Variants in MMS19 observed in about 807,000 individuals in gnomAD.
The protein encoded by MMS19 is MMS19 nucleotide excision repair protein homolog.
A neutral mutation model predicts 129.8 loss-of-function variants in MMS19; 77 were observed. The ratio of observed to expected loss-of-function variants is 0.59; its 90% CI spans 0.49 to 0.72. The LOEUF is 0.72. MMS19 is among the 30% of genes least tolerant of loss of function. MMS19 has a pLI of 0.00. For missense variants in MMS19, 1,168 were observed against 1,266.3 expected (o/e 0.92, Z 1.18); for synonymous variants, 491 against 502.8 (o/e 0.98, Z 0.31).
In MMS19 at chr10:97,468,350, G is replaced by A; in HGVS notation, c.1120C>T (p.Leu374=). The A allele has an allele frequency of 6.2e-7, 1 of 1,613,084 alleles. No individual in the cohort carries two copies. Among genetic ancestry groups the A allele is most frequent in the African/African-American group, 1.3e-5 (1 of 75,026 alleles). ...GATGCACCTGCAGCTGCCTGCAACAGCTTGGCACTAGGCCACACCAGTTTC... is the reference window on the plus strand; with the variant it reads ...GATGCACCTGCAGCTGCCTGCAACAACTTGGCACTAGGCCACACCAGTTTC... ...DMKLVWPSAK[L]LQAAAGASAR... is the part of the protein sequence containing the mutation. The change falls in exon 13 of 31, where the codon CTG becomes TTG. Residue 374 remains leucine, a synonymous_variant. Transcript: ENST00000438925.
chr10:97,470,597 TGAAGA>T (rs2034483158), intron 9 of MMS19, among the ~76,000 whole-genome samples, 173 bp downstream of exon 9: 1 of 152,176 alleles, frequency 6.6e-6, no homozygotes, highest in South Asian at 2.1e-4. Flanking sequence ...CTCTGGATTA[TGAAGA>T]GATGGTAAAG....
chr10:97,476,643 C>T (rs1440879547), intron 8 of MMS19, 40 bp downstream of exon 8: 2 of 1,601,460 alleles, frequency 1.2e-6, no homozygotes, highest in East Asian at 2.2e-5. Context: ...ATAGCAGACA[C>T]TCAATAAATA....
intron 25 of MMS19, 22 bp downstream of exon 25, chr10:97,460,663 CCTGGGTTCTT>C: frequency 6.4e-7 from 1 of 1,555,842 alleles, no homozygotes; most frequent in Non-Finnish European, 8.7e-7. Context: ...TTGTTTAGGT[CCTGGGTTCTT>C]CTGTCTCCAG....
intron 1 of MMS19, among the ~76,000 whole-genome samples, chr10:97,489,712 T>TC (rs2038553863): frequency 6.6e-6 from 1 of 152,248 alleles, no homozygotes; most frequent in Admixed American, 6.5e-5. Context: ...TGTGAAAGTT[T>TC]CTTAGTCTTT....
intron 18 of MMS19, 109 bp downstream of exon 18, chr10:97,465,694 TAA>T: frequency 2.7e-6 from 3 of 1,131,468 alleles, no homozygotes; most frequent in Non-Finnish European, 3.8e-6. Flanking sequence ...TTTTTTCTTT[TAA>T]AAGAGTTGAT....
chr10:97,467,725 A>G, intron 13 of MMS19, 142 bp from the exon 14 acceptor site: 1 of 710,576 alleles, frequency 1.4e-6, no homozygotes, highest in Non-Finnish European at 2.3e-6. Flanking sequence ...ATACAGTAGC[A>G]TGATTATAGC....
rs758889852 is a variant in MMS19, at chr10:97,469,015, C to T, written c.1014G>A (p.Arg338=). 19 of 1,588,106 alleles carry T rather than the reference C, an allele frequency of 1.2e-5. No homozygotes were observed. The South Asian group carries it at 1.9e-4, about 16-fold the overall frequency. The change falls in exon 12 of 31, where the codon AGG becomes AGA. Residue 338 remains arginine, a synonymous_variant. Coordinates refer to ENST00000438925, the MANE Select transcript of MMS19 (RefSeq NM_022362.5). ...AGTCAAGGAGGTCCTCAGCATCAGCCCTCAGCACAGAGCGAGACAAACACG... is the reference window on the plus strand; with the variant it reads ...AGTCAAGGAGGTCCTCAGCATCAGCTCTCAGCACAGAGCGAGACAAACACG... ...LTACLSRSVL[R]ADAEDLLDSF...
At chr10:97,465,073 G>T (rs1246900232) in intron 18 of MMS19, among the ~76,000 whole-genome samples, 1 of 151,758 alleles carries the variant, frequency 6.6e-6, no homozygotes, top group Non-Finnish European at 1.5e-5. Context: ...GCAATGGCAT[G>T]ATCTTGGCTC....
upstream of MMS19, chr10:97,498,475 G>C: frequency 6.6e-7 from 1 of 1,514,064 alleles, no homozygotes; most frequent in Non-Finnish European, 8.8e-7. Flanking sequence ...CTCCGGGGAA[G>C]CGCAAGGGGG....
intron 1 of MMS19, among the ~76,000 whole-genome samples, chr10:97,489,506 T>C (rs1270747403): frequency 6.6e-6 from 1 of 152,244 alleles, no homozygotes; most frequent in African/African-American, 2.4e-5. Flanking sequence ...ACGTCTTACA[T>C]GGCACACATC....
intron 1 of MMS19, among the ~76,000 whole-genome samples, chr10:97,487,318 CTTT>C (rs201462938): frequency 2.2e-5 from 3 of 137,668 alleles, no homozygotes; most frequent in African/African-American, 5.5e-5. Context: ...GAGAAAATTT[CTTT>C]TTTTTTTTTT....
intron 6 of MMS19, 77 bp from the exon 7 acceptor site, chr10:97,477,040 C>T: frequency 6.3e-7 from 1 of 1,590,256 alleles, no homozygotes; most frequent in Non-Finnish European, 8.5e-7. Context: ...CTGTGTTCTC[C>T]CTCTGCTATC....
rs763475303 is a variant in MMS19, at chr10:97,470,132, A to T, written c.843T>A (p.Thr281=). Residue 281 remains threonine, a synonymous_variant, in exon 10 of 31, where the codon ACT becomes ACA. Transcript: ENST00000438925. ...VLSAKLDSLQ[T]LNACCAVYGQ... The stretch of plus-strand genomic sequence containing the variant: ...TGCAAGGAGAAAAATCACTCACCAG[A>T]GTCTGTAGAGAATCCAACTTGGCAC... 1.2e-6 allele frequency: 2 copies of T among 1,605,332 alleles called. No individual in the cohort carries two copies. The highest frequency in any genetic ancestry group is 1.7e-6 in the Non-Finnish European group (2 of 1,174,726).
At chr10:97,493,136 C>G (rs1346358948) in intron 1 of MMS19, among the ~76,000 whole-genome samples, 2 of 151,948 alleles carry the variant, frequency 1.3e-5, no homozygotes, top group African/African-American at 4.8e-5. Context: ...CTCAGCCTCC[C>G]AAGTGGCTGC....
chr10:97,472,515 C>T (rs1409338817), intron 8 of MMS19, among the ~76,000 whole-genome samples: 1 of 152,228 alleles, frequency 6.6e-6, no homozygotes, highest in Non-Finnish European at 1.5e-5. Context: ...GTTGAGATTA[C>T]AGGCATGAGC....
At chr10:97,476,571 T>G in intron 8 of MMS19, 112 bp downstream of exon 8, 1 of 804,210 alleles carries the variant, frequency 1.2e-6, no homozygotes, top group Non-Finnish European at 2.0e-6. Context: ...TATAAAATAA[T>G]GAGGGCGGGG....
rs535939608 is a variant in MMS19, at chr10:97,472,074, A to G, written c.685-1213T>C. Among the ~76,000 whole-genome samples, 8 of 152,348 alleles carry G rather than the reference A, an allele frequency of 5.3e-5. No individual in the cohort carries two copies. In the East Asian group the frequency reaches 1.5e-3, roughly 29 times the overall value. Reference sequence around the variant, plus strand: ...ACAGGGCCTACTAAGTACCCAACACAGTACATGAAATAGACCAATACTAAG... The same window carrying G: ...ACAGGGCCTACTAAGTACCCAACACGGTACATGAAATAGACCAATACTAAG... On this transcript the variant is annotated intron_variant, in intron 8 of 30. Transcript: ENST00000438925.
chr10:97,478,404 T>C lies in MMS19; in HGVS notation c.263-15A>G. 2 of 1,592,638 alleles carry C rather than the reference T, an allele frequency of 1.3e-6. No individual in the cohort carries two copies. Among genetic ancestry groups the C allele is most frequent in the Non-Finnish European group, 1.7e-6 (2 of 1,167,588 alleles). Reference sequence around the variant, plus strand: ...CAGGTGTACCACTGCACAAACCAGATTCAGCCATTAGTTGACATAGGCACG... The same window carrying C: ...CAGGTGTACCACTGCACAAACCAGACTCAGCCATTAGTTGACATAGGCACG... On this transcript the variant is annotated splice_polypyrimidine_tract_variant and intron_variant, in intron 3 of 30. Coordinates refer to ENST00000438925, the MANE Select transcript of MMS19 (RefSeq NM_022362.5).
chr10:97,490,513 A>G (rs1009626355), intron 1 of MMS19, among the ~76,000 whole-genome samples: 1 of 152,258 alleles, frequency 6.6e-6, no homozygotes, highest in Admixed American at 6.5e-5. Context: ...TTGAACACTT[A>G]TAGCTAAATA....
Sources: gnomAD v4.1 joint callset for allele counts (sites outside exome capture counted in the v4.1 genomes callset) on GRCh38, gnomAD v4.1.1 for gene constraint, MANE v1.5 for transcripts, NCBI Gene and HGNC (gene_info 2026-07-23, HGNC 2026-07-21) for gene names.